Variants in TCF3 observed in about 807,000 individuals in gnomAD.
TCF3 encodes transcription factor 3, also known as transcription factor E2-alpha.
TCF3 carries 54 observed loss-of-function variants against 72.3 expected under a neutral mutation model. The observed-to-expected ratio is 0.75, with a 90% confidence interval of 0.60 to 0.94. TCF3 has a LOEUF of 0.94. TCF3 is among the 40% of genes least tolerant of loss of function. The pLI, the probability that TCF3 is intolerant of heterozygous loss-of-function variation, is 0.00. For synonymous variants in TCF3, 525 were observed against 412.6 expected (o/e 1.27, Z -3.30); for missense variants, 1,078 against 934.4 (o/e 1.15, Z -2.00).
chr19:1,649,459 G>A (rs1327553998), intron 2 of TCF3, among the ~76,000 whole-genome samples: 3 of 152,216 alleles, frequency 2.0e-5, no homozygotes, highest in African/African-American at 7.2e-5. Flanking sequence ...GCCCAGGAAG[G>A]AGTGCAGTGG....
At position 1,631,812 on chromosome 19, in the gene TCF3, CG is replaced by C. The variant is rs2063747716; in HGVS notation, c.298+225del. 5.8e-6 allele frequency: 7 copies of C among 1,199,342 alleles called. No individual in the cohort carries two copies. In the South Asian group the frequency reaches 1.0e-4, roughly 18 times the overall value. The allele number at this position is 1,199,342 out of a possible 1,614,324, so 74.3% of individuals were successfully genotyped here. A position where few individuals can be genotyped will look rare whatever the true frequency, so the allele number is the denominator to read the frequency against. ...GTCTGGAACGGCCTCCCTGCCTCTA[CG>C]CTCAGGCGGGGAAGCCTAGTTGCAG... is the stretch of plus-strand genomic sequence containing the variant. On this transcript the variant is annotated intron_variant, in intron 5 of 18. Transcript: ENST00000262965.
chr19:1,636,760 G>A (rs1333393672), intron 3 of TCF3, among the ~76,000 whole-genome samples: 1 of 152,178 alleles, frequency 6.6e-6, no homozygotes, highest in Admixed American at 6.5e-5. Context: ...CCCGAGTGGG[G>A]GAGAAAATGC....
At chr19:1,622,475 G>T in intron 8 of TCF3, 60 bp from the exon 9 acceptor site, 1 of 967,446 alleles carries the variant, frequency 1.0e-6, no homozygotes, top group Non-Finnish European at 1.5e-6. Context: ...ATCAGCCCAT[G>T]CACCTTGCCG....
chr19:1,621,827 A>G lies in TCF3; in HGVS notation c.955+11T>C. 1 of 1,579,996 alleles carries G rather than the reference A, an allele frequency of 6.3e-7. No homozygotes were observed. Among genetic ancestry groups the G allele is most frequent in the Non-Finnish European group, 8.6e-7 (1 of 1,164,300 alleles). On this transcript the variant is annotated intron_variant, in intron 11 of 18. Coordinates refer to ENST00000262965, the MANE Select transcript of TCF3 (RefSeq NM_003200.5). ...CCCTCGGAGAGGCCGCATCCCAGGGAGGGGCCATACCCAGGAGGCTGTCGG... is the reference window on the plus strand; with the variant it reads ...CCCTCGGAGAGGCCGCATCCCAGGGGGGGGCCATACCCAGGAGGCTGTCGG...
intron 13 of TCF3, among the ~76,000 whole-genome samples, chr19:1,620,668 T>C (rs1255937411): frequency 6.6e-6 from 1 of 152,140 alleles, no homozygotes; most frequent in Admixed American, 6.5e-5. Context: ...CCTCACTGCC[T>C]GGTTATGTGC....
intron 3 of TCF3, among the ~76,000 whole-genome samples, chr19:1,643,141 A>G (rs2065581862): frequency 6.6e-6 from 1 of 152,106 alleles, no homozygotes. Flanking sequence ...GCGTACGAAA[A>G]TTATTCCCGT....
At chr19:1,619,006 A>C in intron 16 of TCF3, 105 bp downstream of exon 16, 1 of 1,543,648 alleles carries the variant, frequency 6.5e-7, no homozygotes. Flanking sequence ...AGGTGCCCCC[A>C]CGGTGACACC....
intron 5 of TCF3, among the ~76,000 whole-genome samples, chr19:1,630,419 G>A (rs1221189502): frequency 6.6e-6 from 1 of 152,176 alleles, no homozygotes; most frequent in African/African-American, 2.4e-5. Flanking sequence ...CGGGCAAAGC[G>A]AGACAGGACC....
chr19:1,642,089 T>C (rs1013122113), intron 3 of TCF3, among the ~76,000 whole-genome samples: 5 of 150,634 alleles, frequency 3.3e-5, no homozygotes, highest in Non-Finnish European at 7.4e-5. Context: ...TGGTGATTCC[T>C]GGGCTTAAAG....
At chr19:1,613,076 C>T (rs2061197417) in intron 18 of TCF3, among the ~76,000 whole-genome samples, 1 of 151,424 alleles carries the variant, frequency 6.6e-6, no homozygotes, top group Admixed American at 6.6e-5. Context: ...AATGCAGGTA[C>T]ATGGCTGGTG....
chr19:1,609,558 AC>A lies in TCF3; in HGVS notation c.*2148del, dbSNP rs2060845964. 4.6e-6 allele frequency: 1 copy of A among 218,298 alleles called. No individual in the cohort carries two copies. Among genetic ancestry groups the A allele is most frequent in the Non-Finnish European group, 9.2e-6 (1 of 108,932 alleles). The allele number at this position is 218,298 out of a possible 1,614,324, so 13.5% of individuals were successfully genotyped here. ...GAATCTCGTTTGAATTCTATGCAGAACGCACAGTTCCAGAGGCTATGGGGCC... is the reference window on the plus strand; with the variant it reads ...GAATCTCGTTTGAATTCTATGCAGAAGCACAGTTCCAGAGGCTATGGGGCC... On this transcript the variant is annotated 3_prime_UTR_variant, in exon 19 of 19. Transcript: ENST00000262965.
chr19:1,646,733 C>G (rs964603272), intron 2 of TCF3, among the ~76,000 whole-genome samples: 2 of 152,230 alleles, frequency 1.3e-5, no homozygotes, highest in Non-Finnish European at 2.9e-5. Flanking sequence ...CCTGCCTTTG[C>G]TCTGGGGGGA....
chr19:1,651,707 C>CCGGTGCAGG (rs918697015), intron 1 of TCF3, among the ~76,000 whole-genome samples: 5 of 151,888 alleles, frequency 3.3e-5, no homozygotes, highest in Non-Finnish European at 5.9e-5. Context: ...CCCCCCGCAG[C>CCGGTGCAGG]CGGTGCAGGC....
intron 3 of TCF3, among the ~76,000 whole-genome samples, chr19:1,636,363 G>A (rs990001343): frequency 6.6e-6 from 1 of 152,142 alleles, no homozygotes; most frequent in Non-Finnish European, 1.5e-5. Context: ...TTTCATACAT[G>A]TTGGCCAGGC....
intron 5 of TCF3, among the ~76,000 whole-genome samples, chr19:1,629,321 C>CGCACAGGCCCCTGGGTTCTCCTG (rs373535142): frequency 3.9e-5 from 6 of 152,128 alleles, no homozygotes; most frequent in African/African-American, 1.4e-4. Flanking sequence ...TCAGGTTCAC[C>CGCACAGGCCCCTGGGTTCTCCTG]GCACAGGCTC....
chr19:1,622,434 TG>T lies in TCF3; in HGVS notation c.550-20del, dbSNP rs569871996. 3.9e-5 allele frequency: 19 copies of T among 491,186 alleles called. No homozygotes were observed. Among genetic ancestry groups the T allele is most frequent in the South Asian group, 5.9e-5 (3 of 50,444 alleles). The allele number at this position is 491,186 out of a possible 1,614,324, so 30.4% of individuals were successfully genotyped here. ...GGTACACCTGCGGGCGGGTGGGCGG[TG>T]GGGGGTGCAGTCAGGACGGAGGGAC... On this transcript the variant is annotated intron_variant, in intron 8 of 18. Coordinates refer to ENST00000262965, the MANE Select transcript of TCF3 (RefSeq NM_003200.5).
In TCF3 at chr19:1,632,407, T is replaced by C. The variant is rs1177409614; in HGVS notation, c.146-2A>G. Reference sequence around the variant, plus strand: ...CTGAGCTGGGCCGGTCCTCAAGACCTGCAGGCAGGACAGAGAGAGTTATGG... The same window carrying C: ...CTGAGCTGGGCCGGTCCTCAAGACCCGCAGGCAGGACAGAGAGAGTTATGG... On this transcript the variant is annotated splice_acceptor_variant, in intron 3 of 18. Coordinates refer to ENST00000262965, the MANE Select transcript of TCF3 (RefSeq NM_003200.5). LOFTEE classifies it high-confidence loss of function. The C allele has an allele frequency of 6.3e-7, 1 of 1,590,710 alleles. No individual in the cohort carries two copies. The highest frequency in any genetic ancestry group is 8.6e-7 in the Non-Finnish European group (1 of 1,168,960).
At chr19:1,645,570 C>T (rs2065964910) in intron 3 of TCF3, among the ~76,000 whole-genome samples, 1 of 152,236 alleles carries the variant, frequency 6.6e-6, no homozygotes, top group African/African-American at 2.4e-5. Flanking sequence ...ACGGCCCCTT[C>T]CTCTCACCCT....
chr19:1,615,488 G>T lies in TCF3; in HGVS notation c.1619C>A (p.Pro540Gln), dbSNP rs770865437. 4 of 1,610,630 alleles carry T rather than the reference G, an allele frequency of 2.5e-6. No individual in the cohort carries two copies. Among genetic ancestry groups the T allele is most frequent in the Non-Finnish European group, 3.4e-6 (4 of 1,179,830 alleles). The change falls in exon 18 of 19, where the codon CCA becomes CAA. Residue 540 changes from proline to glutamine, a missense_variant. Transcript: ENST00000262965. The surrounding 1 kb of genome is among the most constrained non-coding windows in gnomAD (Gnocchi z 7.3). ...CTTCTCCCGCTCGGCCTTCTGCTCT[G>T]GGGGGAGAAGGTCGTCCTCGTCCTC... ...PDEDEDDLLPPEQKAEREKER... is the reference protein window; with the variant it reads ...PDEDEDDLLPQEQKAEREKER...
Sources: allele counts gnomAD v4.1 joint callset (sites outside exome capture counted in the v4.1 genomes callset), GRCh38; gene constraint gnomAD v4.1.1; non-coding constraint Gnocchi (gnomAD v3.1); transcripts MANE v1.5; gene names NCBI Gene and HGNC (gene_info 2026-07-23, HGNC 2026-07-21).